COG2: variants seen among roughly 807,000 people sequenced by gnomAD.
COG2 encodes conserved oligomeric Golgi complex subunit 2.
In COG2, 52 loss-of-function variants were observed where a neutral mutation model predicts 90.6. The ratio of observed to expected loss-of-function variants is 0.57; its 90% CI spans 0.46 to 0.72. COG2 has a LOEUF of 0.72. Ranked by LOEUF, COG2 falls within the 30% of genes least tolerant of loss-of-function variation. The probability of loss-of-function intolerance (pLI) is 0.00; values close to 1 mark genes in which losing one functional copy is unlikely to be tolerated. For missense variants in COG2, 829 were observed against 891.2 expected, an observed-to-expected ratio of 0.93 and a Z score of 0.89; for synonymous variants, 337 against 320.4, an observed-to-expected ratio of 1.05 and a Z score of -0.55.
chr1:230,644,458 A>C (rs938257216), intron 1 of COG2, among the ~76,000 whole-genome samples: 37 of 152,364 alleles, frequency 2.4e-4, no homozygotes, highest in African/African-American at 8.7e-4. Flanking sequence ...TGTCTCATTC[A>C]GCACATTTTG....
intron 9 of COG2, among the ~76,000 whole-genome samples, chr1:230,677,080 A>G (rs76452056): frequency 0.042 from 6,369 of 151,978 alleles, 253 homozygotes; most frequent in East Asian, 0.16. Context: ...TATTTCTTCA[A>G]TTGTGCTTTT....
chr1:230,688,600 A>T, intron 15 of COG2, 38 bp downstream of exon 15: 1 of 1,610,942 alleles, frequency 6.2e-7, no homozygotes. Flanking sequence ...TGAGGTGGGG[A>T]AGTGTGTGTT....
At chr1:230,687,236 TG>T in intron 13 of COG2, 104 bp downstream of exon 13, 1 of 943,202 alleles carries the variant, frequency 1.1e-6, no homozygotes, top group Non-Finnish European at 1.5e-6. Context: ...GGGCTTAAAT[TG>T]GGGGACCCGT....
At chr1:230,657,184 A>G (rs182312665) in intron 1 of COG2, among the ~76,000 whole-genome samples, 5 of 124,202 alleles carry the variant, frequency 4.0e-5, no homozygotes, top group African/African-American at 9.8e-5. Flanking sequence ...ACAATTTGCA[A>G]TGTTTTTGAA....
At chr1:230,659,103 A>G (rs188787886) in intron 1 of COG2, among the ~76,000 whole-genome samples, 1 of 152,276 alleles carries the variant, frequency 6.6e-6, no homozygotes, top group African/African-American at 2.4e-5. Flanking sequence ...GATATTTTTA[A>G]TATAATTCTT....
In COG2 at chr1:230,688,159, G is replaced by A; in HGVS notation, c.1651+16G>A. The stretch of plus-strand genomic sequence containing the variant: ...TCTATCTCAGGTAAAAATGAATCTT[G>A]ACTAAGCAAATCTTTGAATAAGAAA... On this transcript the variant is annotated intron_variant, in intron 14 of 17. Transcript: ENST00000366669. 6.6e-7 allele frequency: 1 copy of A among 1,514,706 alleles called. No homozygotes were observed. Among genetic ancestry groups the A allele is most frequent in the Non-Finnish European group, 9.0e-7 (1 of 1,105,850 alleles). 93.8% of individuals were successfully genotyped at this position (1,514,706 alleles called of 1,614,324 possible). A position where few individuals can be genotyped will look rare whatever the true frequency, so the allele number is the denominator to read the frequency against.
At chr1:230,664,653 T>C in intron 5 of COG2, 66 bp downstream of exon 5, 1 of 703,640 alleles carries the variant, frequency 1.4e-6, no homozygotes, top group Non-Finnish European at 2.3e-6. Context: ...ACTTTTTTAG[T>C]TAGAACTCAT....
intron 10 of COG2, chr1:230,682,592 A>AG (rs1662778182): frequency 1.3e-5 from 2 of 152,264 alleles, no homozygotes; most frequent in South Asian, 4.1e-4. Context: ...TGTGTTGGGT[A>AG]GGGCTGCTGC....
chr1:230,682,151 G>A (rs992271364), intron 10 of COG2: 1 of 152,130 alleles, frequency 6.6e-6, no homozygotes, highest in Non-Finnish European at 1.5e-5. Flanking sequence ...TGGCCATTTA[G>A]GTTGCTTCCA....
intron 1 of COG2, among the ~76,000 whole-genome samples, chr1:230,646,932 T>C (rs1342949375): frequency 1.3e-5 from 2 of 152,156 alleles, no homozygotes; most frequent in Non-Finnish European, 2.9e-5. Context: ...TCTCCTCTTT[T>C]CCCACTTTCT....
chr1:230,674,674 G>C (rs958741229), intron 8 of COG2, among the ~76,000 whole-genome samples: 1 of 152,114 alleles, frequency 6.6e-6, no homozygotes, highest in African/African-American at 2.4e-5. Flanking sequence ...TGTACTTTTT[G>C]TTTCCAAGAT....
chr1:230,674,974 C>A, intron 8 of COG2, 24 bp from the exon 9 acceptor site: 1 of 1,571,356 alleles, frequency 6.4e-7, no homozygotes, highest in South Asian at 1.2e-5. Flanking sequence ...GTATATTTTA[C>A]TGATATGTGC....
intron 7 of COG2, 181 bp from the exon 8 acceptor site, chr1:230,671,335 C>G (rs1434772065): frequency 2.0e-6 from 1 of 499,606 alleles, no homozygotes; most frequent in Non-Finnish European, 3.6e-6. Context: ...ACAGCCTAAT[C>G]CAAGGAAGTA....
rs554058789 is a variant in COG2 at position 230,688,614 on chromosome 1, A to T, written c.1794+52A>T. The T allele has an allele frequency of 1.3e-5, 20 of 1,597,492 alleles. No individual in the cohort carries two copies. In the East Asian group the frequency reaches 1.8e-4, roughly 14 times the overall value. ...TTGAGGTGGGGAAGTGTGTGTTAGGAAAGCCAAAGAGGAAGGAAGGAAGGA... is the reference window on the plus strand; with the variant it reads ...TTGAGGTGGGGAAGTGTGTGTTAGGTAAGCCAAAGAGGAAGGAAGGAAGGA... On this transcript the variant is annotated intron_variant, in intron 15 of 17. Coordinates refer to ENST00000366669, the MANE Select transcript of COG2 (RefSeq NM_007357.3).
At chr1:230,664,760 A>G (rs1662277400) in intron 5 of COG2, among the ~76,000 whole-genome samples, 173 bp downstream of exon 5, 1 of 152,214 alleles carries the variant, frequency 6.6e-6, no homozygotes, top group Non-Finnish European at 1.5e-5. Flanking sequence ...TATACATATT[A>G]TTATATAGCC....
intron 1 of COG2, among the ~76,000 whole-genome samples, chr1:230,648,161 A>T (rs1246789252): frequency 6.6e-6 from 1 of 152,260 alleles, no homozygotes; most frequent in African/African-American, 2.4e-5. Context: ...GCTAAAGCAC[A>T]TGCATTTTAT....
In COG2 at chr1:230,669,575, T is replaced by C. The variant is rs371854551; in HGVS notation, c.774+40T>C. On this transcript the variant is annotated intron_variant, in intron 7 of 17. Transcript: ENST00000366669. Reference sequence around the variant, plus strand: ...TTCAACAAACATTCATGAGCTTCTGTTCTGTCTTTGACTCTTTACTGGGTG... The same window carrying C: ...TTCAACAAACATTCATGAGCTTCTGCTCTGTCTTTGACTCTTTACTGGGTG... The C allele has an allele frequency of 4.0e-5, 63 of 1,576,862 alleles. No individual in the cohort carries two copies. In the Admixed American group the frequency reaches 5.4e-4, roughly 14 times the overall value.
At chr1:230,652,348 C>A (rs150177127) in intron 1 of COG2, among the ~76,000 whole-genome samples, 1 of 152,152 alleles carries the variant, frequency 6.6e-6, no homozygotes, top group East Asian at 1.9e-4. Flanking sequence ...TAGAAATGTA[C>A]GTTTAAGATT....
chr1:230,691,578 C>T lies in COG2; in HGVS notation c.2115+14C>T, dbSNP rs190842171. On this transcript the variant is annotated intron_variant, in intron 17 of 17. Transcript: ENST00000366669. ...TTGGGAGAGCAGGTAACCCATCAGC[C>T]GCCGGCAGCTCCAGCGAGCCTGAAA... 9.5e-5 allele frequency: 152 copies of T among 1,596,780 alleles called. 1 individual carries two copies. The African/African-American group carries it at 1.5e-3, about 15-fold the overall frequency.
Sources: allele counts gnomAD v4.1 joint callset (sites outside exome capture counted in the v4.1 genomes callset), GRCh38; gene constraint gnomAD v4.1.1; transcripts MANE v1.5; gene names NCBI Gene and HGNC (gene_info 2026-07-23, HGNC 2026-07-21).